MSI1: variants seen among roughly 807,000 people sequenced by gnomAD.
The protein encoded by MSI1 is musashi RNA binding protein 1.
Under a neutral mutation model 54.4 loss-of-function variants are expected in MSI1, and 15 were observed. That is an observed-to-expected ratio of 0.28 (90% confidence interval 0.18 to 0.42). The LOEUF is 0.42. Ranked by LOEUF, MSI1 falls within the 20% of genes least tolerant of loss-of-function variation. The pLI is 1.00. For missense variants in MSI1, 304 were observed against 506.0 expected (o/e 0.60, Z 3.83); for synonymous variants, 200 against 196.5 (o/e 1.02, Z -0.15).
chr12:120,358,985 G>C lies in MSI1; in HGVS notation c.451+20C>G, dbSNP rs767328382. ...TGACCACGGGGCCCAGCCTGGGAAG[G>C]GGGAGGGGGCCACACTCACCTCGGT... On this transcript the variant is annotated intron_variant, in intron 7 of 14. Coordinates refer to ENST00000257552, the MANE Select transcript of MSI1 (RefSeq NM_002442.4). The C allele has an allele frequency of 5.7e-6, 9 of 1,565,840 alleles. No homozygotes were observed. In the East Asian group the frequency reaches 2.1e-4, roughly 37 times the overall value.
chr12:120,358,789 T>C (rs1402930774), intron 7 of MSI1, among the ~76,000 whole-genome samples: 1 of 122,430 alleles, frequency 8.2e-6, no homozygotes, highest in Non-Finnish European at 1.7e-5. Context: ...ACTGGGGGGG[T>C]GGGTACTCCT....
At chr12:120,355,241 T>C (rs1874999810) in intron 9 of MSI1, among the ~76,000 whole-genome samples, 1 of 151,314 alleles carries the variant, frequency 6.6e-6, no homozygotes, top group African/African-American at 2.4e-5. Context: ...CCGTCTCTAC[T>C]AAAAATACAA....
Position 120,369,095 on chromosome 12 carries a change from G to A in MSI1, c.-4C>T. ...GCTGGGGCGCGTCAGTCTCCATCGG[G>A]AGCCGCGGGCGGCGCGGGCAGCGGA... On this transcript the variant is annotated 5_prime_UTR_variant, in exon 1 of 15. Transcript: ENST00000257552. 2.0e-6 allele frequency: 2 copies of A among 1,015,682 alleles called. No homozygotes were observed. Among genetic ancestry groups the A allele is most frequent in the Non-Finnish European group, 2.3e-6 (2 of 854,456 alleles). 62.9% of individuals were successfully genotyped at this position (1,015,682 alleles called of 1,614,324 possible).
chr12:120,361,676 T>C (rs1875656132), intron 6 of MSI1, among the ~76,000 whole-genome samples: 1 of 148,842 alleles, frequency 6.7e-6, no homozygotes, highest in South Asian at 2.2e-4. Flanking sequence ...GTGGCAGCCA[T>C]GGCGGCTGAC....
At chr12:120,351,483 G>A (rs1874593240) in intron 10 of MSI1, 83 bp from the exon 11 acceptor site, 1 of 1,262,654 alleles carries the variant, frequency 7.9e-7, no homozygotes, top group African/African-American at 1.5e-5. Context: ...GCACCCACAG[G>A]GACACTGGGT....
At position 120,342,619 on chromosome 12, in the gene MSI1, A is replaced by C. The variant is rs1238637385; in HGVS notation, c.*508T>G. 6.7e-6 allele frequency: 1 copy of C among 149,588 alleles called. No individual in the cohort carries two copies. The highest frequency in any genetic ancestry group is 2.5e-5 in the African/African-American group (1 of 40,438). The allele number at this position is 149,588 out of a possible 1,614,324, so 9.3% of individuals were successfully genotyped here. On this transcript the variant is annotated 3_prime_UTR_variant, in exon 15 of 15. Coordinates refer to ENST00000257552, the MANE Select transcript of MSI1 (RefSeq NM_002442.4). ...CTGCGGCCTGGGGCTTCACATTCAC[A>C]AACCTAGAAATAGTTTAAAAAAGGT... is the stretch of plus-strand genomic sequence containing the variant.
rs759826798 is a variant in MSI1, at chr12:120,356,911, C to T, written c.643G>A (p.Gly215Ser). ...GCAGGCTCGCGCATACCCAGCATGC[C>T]GATGCCCAGCATGAAGGCGTCCATT... ...YGMDAFMLGI[G>S]MLGYPGFQAT... The change falls in exon 9 of 15, where the codon GGC (glycine) becomes AGC (serine). Residue 215 changes from glycine to serine, a missense_variant. By Grantham distance (56) the Gly-to-Ser change is moderately conservative (BLOSUM62 0). This residue lies in a region of MSI1 where 147 missense variants were observed against 231.5 expected (regional missense o/e 0.64). Coordinates refer to ENST00000257552, the MANE Select transcript of MSI1 (RefSeq NM_002442.4). 1.1e-5 allele frequency: 18 copies of T among 1,613,684 alleles called. No individual in the cohort carries two copies. Among genetic ancestry groups the T allele is most frequent in the African/African-American group, 2.7e-5 (2 of 75,052 alleles).
chr12:120,358,711 G>T (rs760356379), intron 7 of MSI1, among the ~76,000 whole-genome samples: 4 of 138,248 alleles, frequency 2.9e-5, no homozygotes, highest in Non-Finnish European at 4.5e-5. Flanking sequence ...GGTTACCAGG[G>T]ACAAGGTAAG....
chr12:120,346,046 A>C lies in MSI1; in HGVS notation c.1047+89T>G, dbSNP rs148243611. 2.3e-5 allele frequency: 28 copies of C among 1,200,970 alleles called. No homozygotes were observed. The African/African-American group carries it at 2.9e-4, about 13-fold the overall frequency. The allele number at this position is 1,200,970 out of a possible 1,614,324, so 74.4% of individuals were successfully genotyped here. ...CCTCCCTCACCCTCCTTTTGCCCCC[A>C]GAGACAAAGAAGTTCTCTCCCTTCC... On this transcript the variant is annotated intron_variant, in intron 13 of 14. Transcript: ENST00000257552.
chr12:120,352,260 G>A (rs1183451461), intron 10 of MSI1, among the ~76,000 whole-genome samples: 1 of 152,016 alleles, frequency 6.6e-6, no homozygotes, highest in Non-Finnish European at 1.5e-5. Flanking sequence ...TCCCATCTCA[G>A]GCTCTTAAAG....
chr12:120,363,957 G>A (rs1288325539), intron 5 of MSI1, among the ~76,000 whole-genome samples: 1 of 152,204 alleles, frequency 6.6e-6, no homozygotes, highest in African/African-American at 2.4e-5. Context: ...TAGGACCCAT[G>A]ATAAGTCAGT....
In MSI1 at chr12:120,368,919, G is replaced by T. The variant is rs1164999194; in HGVS notation, c.60-46C>A. ...CAAAGGGCCCGCGTGAGCGCCGGGC[G>T]CCAGGGCGCAGGGGGCGCGGGCCCG... On this transcript the variant is annotated intron_variant, in intron 1 of 14. Coordinates refer to ENST00000257552, the MANE Select transcript of MSI1 (RefSeq NM_002442.4). This position sits in a 1 kb window ranked among gnomAD's most constrained non-coding sequence, Gnocchi z 6.6. 1.5e-6 allele frequency: 2 copies of T among 1,348,132 alleles called. No homozygotes were observed. Among genetic ancestry groups the T allele is most frequent in the Non-Finnish European group, 1.9e-6 (2 of 1,031,110 alleles). The allele number at this position is 1,348,132 out of a possible 1,614,324, so 83.5% of individuals were successfully genotyped here. A position where few individuals can be genotyped will look rare whatever the true frequency, so the allele number is the denominator to read the frequency against.
chr12:120,344,874 G>A (rs1341111899), intron 14 of MSI1, among the ~76,000 whole-genome samples: 1 of 151,496 alleles, frequency 6.6e-6, no homozygotes, highest in Non-Finnish European at 1.5e-5. Flanking sequence ...AAATTAGCTG[G>A]GTGCGGTAGC....
chr12:120,368,621 C>T lies in MSI1; in HGVS notation c.100+212G>A, dbSNP rs1252953682. ...GGGCCCAGCCCACCCCCCGATACCC[C>T]CTGAACCCCTCATCTGCTCCCCTCC... On this transcript the variant is annotated intron_variant, in intron 2 of 14. Transcript: ENST00000257552. The surrounding 1 kb of genome is among the most constrained non-coding windows in gnomAD (Gnocchi z 6.6). Among the ~76,000 whole-genome samples the T allele has an allele frequency of 6.6e-6, 1 of 151,938 alleles. No individual in the cohort carries two copies. The highest frequency in any genetic ancestry group is 2.4e-5 in the African/African-American group (1 of 41,408).
chr12:120,355,928 C>G (rs776358343), intron 9 of MSI1, among the ~76,000 whole-genome samples: 1 of 151,910 alleles, frequency 6.6e-6, no homozygotes, highest in Non-Finnish European at 1.5e-5. Flanking sequence ...GGCATAAAGA[C>G]CCCCTTGTAC....
At chr12:120,359,898 T>TA (rs922595371) in intron 6 of MSI1, among the ~76,000 whole-genome samples, 7 of 151,298 alleles carry the variant, frequency 4.6e-5, no homozygotes, top group Non-Finnish European at 7.4e-5. Context: ...TCCAAAGGAT[T>TA]AAAAAAAAAC....
At chr12:120,366,052 A>G (rs1875998266) in intron 4 of MSI1, among the ~76,000 whole-genome samples, 1 of 152,186 alleles carries the variant, frequency 6.6e-6, no homozygotes, top group South Asian at 2.1e-4. Context: ...TGGGTACTAT[A>G]GCTGTACGAC....
In MSI1 at chr12:120,368,860, C is replaced by A. The variant is rs1489462649; in HGVS notation, c.73G>T (p.Gly25Trp). 1.4e-6 allele frequency: 2 copies of A among 1,472,060 alleles called. No homozygotes were observed. The highest frequency in any genetic ancestry group is 1.8e-6 in the Non-Finnish European group (2 of 1,101,794). The allele number at this position is 1,472,060 out of a possible 1,614,324, so 91.2% of individuals were successfully genotyped here. A position where few individuals can be genotyped will look rare whatever the true frequency, so the allele number is the denominator to read the frequency against. The change falls in exon 2 of 15, where the codon GGG becomes TGG. Residue 25 changes from glycine to tryptophan, a missense_variant. Gly to Trp is a radical substitution (Grantham distance 184). Around this residue, in one of 4 missense-constraint regions of MSI1, gnomAD observed 105 missense variants for 230.1 expected, o/e 0.46. Transcript: ENST00000257552. The surrounding 1 kb of genome is among the most constrained non-coding windows in gnomAD (Gnocchi z 6.6). ...SPHDPCKMFI[G>W]GLSWQTTQEG... is the part of the protein sequence containing the mutation. ...TGCGTAGTCTGCCAACTGAGTCCCC[C>A]GATGAACATCTTGCTGCGGGAGGAG... is the stretch of plus-strand genomic sequence containing the variant.
At chr12:120,347,140 G>A (rs1355652480) in intron 12 of MSI1, among the ~76,000 whole-genome samples, 1 of 152,138 alleles carries the variant, frequency 6.6e-6, no homozygotes, top group East Asian at 1.9e-4. Context: ...AGTAGAGACG[G>A]GGTCTCACCA....
Sources: allele counts gnomAD v4.1 joint callset (sites outside exome capture counted in the v4.1 genomes callset), GRCh38; gene constraint gnomAD v4.1.1; regional missense constraint gnomAD v4.1.1; non-coding constraint Gnocchi (gnomAD v3.1); transcripts MANE v1.5; gene names NCBI Gene and HGNC (gene_info 2026-07-23, HGNC 2026-07-21).